Variants in GSK3B observed in about 807,000 individuals in gnomAD.
GSK3B encodes the protein glycogen synthase kinase-3 beta.
Under a neutral mutation model 56.4 loss-of-function variants are expected in GSK3B, and 15 were observed. The ratio of observed to expected loss-of-function variants is 0.27; its 90% CI spans 0.18 to 0.41. The LOEUF is 0.41. Ranked by LOEUF, GSK3B falls within the 10% of genes least tolerant of loss-of-function variation. The probability of loss-of-function intolerance (pLI) is 1.00; values close to 1 mark genes in which losing one functional copy is unlikely to be tolerated. For missense variants in GSK3B, 300 were observed against 513.4 expected (o/e 0.58, Z 4.02); for synonymous variants, 181 against 188.9 (o/e 0.96, Z 0.34).
Position 119,865,860 on chromosome 3 carries a change from G to A in GSK3B, c.910-2255C>T, listed in dbSNP as rs117015986. 9.9e-5 allele frequency among the ~76,000 whole-genome samples: 15 copies of A among 152,036 alleles called. No homozygotes were observed. In the East Asian group the frequency reaches 2.9e-3, roughly 29 times the overall value. ...TATCGGTACTAAGACATTTATTAGCGTATATTTGTCAGGGAATCCTAACTC... is the reference window on the plus strand; with the variant it reads ...TATCGGTACTAAGACATTTATTAGCATATATTTGTCAGGGAATCCTAACTC... On this transcript the variant is annotated intron_variant, in intron 8 of 10. Transcript: ENST00000264235.
chr3:120,085,481 T>C (rs2058456043), intron 1 of GSK3B, among the ~76,000 whole-genome samples: 2 of 152,190 alleles, frequency 1.3e-5, no homozygotes, highest in South Asian at 4.1e-4. Flanking sequence ...TTCAATTGAC[T>C]CAACTCAATA....
chr3:119,999,543 C>T (rs1191651967), intron 2 of GSK3B, among the ~76,000 whole-genome samples: 1 of 152,172 alleles, frequency 6.6e-6, no homozygotes, highest in East Asian at 1.9e-4. Flanking sequence ...TCATTAACTA[C>T]CAATCCCAAA....
chr3:119,838,160 G>A (rs984238045), intron 10 of GSK3B, among the ~76,000 whole-genome samples: 3 of 151,722 alleles, frequency 2.0e-5, no homozygotes, highest in African/African-American at 7.3e-5. Flanking sequence ...ATGGTAGTGC[G>A]CGCCTGTAAT....
At chr3:119,947,934 A>G (rs1258815656) in intron 2 of GSK3B, among the ~76,000 whole-genome samples, 1 of 152,000 alleles carries the variant, frequency 6.6e-6, no homozygotes, top group African/African-American at 2.4e-5. Flanking sequence ...TTTGTAGACC[A>G]CACAAAACTA....
At chr3:120,072,697 A>C (rs1389150292) in intron 1 of GSK3B, among the ~76,000 whole-genome samples, 1 of 152,206 alleles carries the variant, frequency 6.6e-6, no homozygotes, top group Non-Finnish European at 1.5e-5. Context: ...CAAAGTTTTC[A>C]ATTTCTGGCT....
chr3:119,856,507 TA>T (rs1206167279), intron 9 of GSK3B, among the ~76,000 whole-genome samples: 1 of 152,186 alleles, frequency 6.6e-6, no homozygotes, highest in Non-Finnish European at 1.5e-5. Context: ...AATTCTTATA[TA>T]AAATAGATAA....
chr3:119,882,297 C>A (rs1266532066), intron 7 of GSK3B, among the ~76,000 whole-genome samples: 4 of 151,908 alleles, frequency 2.6e-5, no homozygotes, highest in African/African-American at 9.7e-5. Flanking sequence ...TAAGGTATAC[C>A]ATGTGTGTGT....
At chr3:119,862,676 T>G (rs2108032849) in intron 9 of GSK3B, among the ~76,000 whole-genome samples, 1 of 148,238 alleles carries the variant, frequency 6.7e-6, no homozygotes, top group African/African-American at 2.5e-5. Flanking sequence ...TGTTTTTTTT[T>G]TTTTTTTTTT....
chr3:120,065,578 A>C (rs769604141), intron 1 of GSK3B, among the ~76,000 whole-genome samples: 6 of 152,302 alleles, frequency 3.9e-5, no homozygotes, highest in Non-Finnish European at 7.4e-5. Context: ...TAAACATAGA[A>C]ACACCATATG....
chr3:119,900,881 G>A (rs2056617891), intron 7 of GSK3B, among the ~76,000 whole-genome samples: 1 of 152,016 alleles, frequency 6.6e-6, no homozygotes, highest in Admixed American at 6.6e-5. Context: ...ATTTATAGAA[G>A]TATTTTTCAT....
chr3:120,067,374 A>G (rs1168562559), intron 1 of GSK3B, among the ~76,000 whole-genome samples: 1 of 152,172 alleles, frequency 6.6e-6, no homozygotes, highest in East Asian at 1.9e-4. Flanking sequence ...GTAAGTTGAA[A>G]ATGCACTTAA....
chr3:119,988,863 A>G (rs1342768538), intron 2 of GSK3B, among the ~76,000 whole-genome samples: 1 of 152,254 alleles, frequency 6.6e-6, no homozygotes, highest in African/African-American at 2.4e-5. Flanking sequence ...GCCAAGTATA[A>G]TAAAGCAAAC....
intron 7 of GSK3B, among the ~76,000 whole-genome samples, chr3:119,903,163 G>T (rs1034029009): frequency 6.6e-6 from 1 of 152,154 alleles, no homozygotes; most frequent in Non-Finnish European, 1.5e-5. Context: ...GCAATGTGTG[G>T]TAACTTCCAG....
Position 119,828,361 on chromosome 3 carries a change from T to C in GSK3B, c.1196-1506A>G, listed in dbSNP as rs571681351. Among the ~76,000 whole-genome samples, 7 of 152,304 alleles carry C rather than the reference T, an allele frequency of 4.6e-5. 1 individual carries two copies. In the South Asian group the frequency reaches 1.2e-3, roughly 27 times the overall value. On this transcript the variant is annotated intron_variant, in intron 10 of 10. Coordinates refer to ENST00000264235, the MANE Select transcript of GSK3B (RefSeq NM_001146156.2). ...CAAGTTGCATCCTTGTCATCTCTCT[T>C]AATGACAGAGAAGGTACTGCTGGCC... is the stretch of plus-strand genomic sequence containing the variant.
intron 1 of GSK3B, among the ~76,000 whole-genome samples, chr3:120,020,124 T>G (rs2057863591): frequency 6.6e-6 from 1 of 152,136 alleles, no homozygotes; most frequent in Non-Finnish European, 1.5e-5. Context: ...ATAGAGTACC[T>G]CCAAACAACT....
chr3:120,051,302 C>A (rs187572120), intron 1 of GSK3B, among the ~76,000 whole-genome samples: 9 of 151,934 alleles, frequency 5.9e-5, no homozygotes, highest in Admixed American at 5.9e-4. Flanking sequence ...TAGAATGGGA[C>A]ATAGCTCAAC....
In GSK3B at chr3:120,073,259, C is replaced by T. The variant is rs112235471; in HGVS notation, c.88+20088G>A. Among the ~76,000 whole-genome samples, 735 of 143,130 alleles carry T rather than the reference C, an allele frequency of 5.1e-3. 3 individuals are homozygous for T. Among genetic ancestry groups the T allele is most frequent in the Non-Finnish European group, 6.7e-3 (442 of 66,252 alleles). 93.9% of individuals were successfully genotyped at this position (143,130 alleles called of 152,430 possible). On this transcript the variant is annotated intron_variant, in intron 1 of 10. Coordinates refer to ENST00000264235, the MANE Select transcript of GSK3B (RefSeq NM_001146156.2). ...AAAAAAAAAGCCTGGCATGGTGGTGCGGGCCTGTAGTCCTAGCTAATTGAA... is the reference window on the plus strand; with the variant it reads ...AAAAAAAAAGCCTGGCATGGTGGTGTGGGCCTGTAGTCCTAGCTAATTGAA...
At chr3:120,028,752 G>A in intron 1 of GSK3B, 1 of 473,886 alleles carries the variant, frequency 2.1e-6, no homozygotes, top group Non-Finnish European at 4.2e-6. Flanking sequence ...GGCCTGGTGA[G>A]GCTGGGCAGA....
chr3:119,991,415 CT>C (rs1314872722), intron 2 of GSK3B, among the ~76,000 whole-genome samples: 1 of 146,894 alleles, frequency 6.8e-6, no homozygotes, highest in African/African-American at 2.5e-5. Context: ...AGCCCAGTGT[CT>C]TAGGTACAGT....
Sources: gnomAD v4.1 joint callset for allele counts (sites outside exome capture counted in the v4.1 genomes callset) on GRCh38, gnomAD v4.1.1 for gene constraint, MANE v1.5 for transcripts, NCBI Gene and HGNC (gene_info 2026-07-23, HGNC 2026-07-21) for gene names.